The following SCHIP1 variants were observed in gnomAD, a reference collection of about 807,000 sequenced individuals.
The protein encoded by SCHIP1 is schwannomin interacting protein 1.
Under a neutral mutation model 29.7 loss-of-function variants are expected in SCHIP1, and 8 were observed. That is an observed-to-expected ratio of 0.27 (90% CI 0.16 to 0.49). The LOEUF (loss-of-function observed/expected upper bound fraction) is 0.49, where lower values mean the gene tolerates loss of function less well. Ranked by LOEUF, SCHIP1 falls within the 20% of genes least tolerant of loss-of-function variation. The pLI is 0.99. For missense variants in SCHIP1, 193 were observed against 294.6 expected, an observed-to-expected ratio of 0.66 and a Z score of 2.52; for synonymous variants, 76 against 94.9, an observed-to-expected ratio of 0.80 and a Z score of 1.16.
At chr3:159,315,250 GTGCAGTGGCAC>G in the SCHIP1 span, among the ~76,000 whole-genome samples, 1 of 142,562 alleles carries the variant, frequency 7.0e-6, no homozygotes, top group Admixed American at 7.2e-5. Flanking sequence ...CCAGGCTGGA[GTGCAGTGGCAC>G]AATCTGGGCT....
chr3:159,619,104 A>G, the SCHIP1 span, among the ~76,000 whole-genome samples: 1 of 152,226 alleles, frequency 6.6e-6, no homozygotes, highest in African/African-American at 2.4e-5. Context: ...AAGCCCTTCA[A>G]TTAAAAAAGA....
the SCHIP1 span, among the ~76,000 whole-genome samples, chr3:159,769,544 G>A: frequency 6.6e-6 from 1 of 152,184 alleles, no homozygotes; most frequent in Non-Finnish European, 1.5e-5. Flanking sequence ...GAGGTCAGGA[G>A]TTCGAGACCA....
the SCHIP1 span, among the ~76,000 whole-genome samples, chr3:159,403,289 A>G: frequency 6.6e-6 from 1 of 152,196 alleles, no homozygotes; most frequent in Non-Finnish European, 1.5e-5. Context: ...ACCACAATGA[A>G]CAAGTATCCA....
At chr3:159,478,541 T>C in the SCHIP1 span, among the ~76,000 whole-genome samples, 4 of 152,168 alleles carry the variant, frequency 2.6e-5, 1 homozygote, top group Middle Eastern at 9.5e-3. Flanking sequence ...TTCCTTTTGC[T>C]CAAGATCATT....
the SCHIP1 span, among the ~76,000 whole-genome samples, chr3:159,283,593 C>A: frequency 6.6e-6 from 1 of 152,128 alleles, no homozygotes; most frequent in Non-Finnish European, 1.5e-5. Flanking sequence ...CGTGAGCCAC[C>A]GCGCCTGGCT....
the SCHIP1 span, chr3:159,765,232 G>A: frequency 2.2e-6 from 3 of 1,375,394 alleles, no homozygotes; most frequent in African/African-American, 1.5e-5. Flanking sequence ...CCGCCCGCCC[G>A]CGGCCCCATT....
chr3:159,431,714 C>G, the SCHIP1 span, among the ~76,000 whole-genome samples: 1 of 150,086 alleles, frequency 6.7e-6, no homozygotes, highest in Non-Finnish European at 1.5e-5. Flanking sequence ...GAGGCTGAGA[C>G]AACAGAATCA....
At chr3:159,564,311 G>A in the SCHIP1 span, among the ~76,000 whole-genome samples, 1 of 152,084 alleles carries the variant, frequency 6.6e-6, no homozygotes, top group Non-Finnish European at 1.5e-5. Flanking sequence ...GACCAGCAAC[G>A]CAGCAGCTCT....
At chr3:159,427,301 C>T in the SCHIP1 span, among the ~76,000 whole-genome samples, 1 of 151,654 alleles carries the variant, frequency 6.6e-6, no homozygotes, top group South Asian at 2.1e-4. Flanking sequence ...ATAGAAAACC[C>T]CATTGTCTCA....
chr3:159,435,438 T>TCATATTTC, the SCHIP1 span, among the ~76,000 whole-genome samples: 1 of 152,116 alleles, frequency 6.6e-6, no homozygotes, highest in Non-Finnish European at 1.5e-5. Flanking sequence ...GCTCTAGCCC[T>TCATATTTC]CATATGGAAT....
the SCHIP1 span, among the ~76,000 whole-genome samples, chr3:159,738,753 T>C: frequency 2.6e-5 from 4 of 152,156 alleles, no homozygotes; most frequent in South Asian, 2.1e-4. Flanking sequence ...AAATTGTATA[T>C]AGTGATAAAG....
At chr3:159,587,198 C>T in the SCHIP1 span, among the ~76,000 whole-genome samples, 1 of 152,106 alleles carries the variant, frequency 6.6e-6, no homozygotes, top group African/African-American at 2.4e-5. Flanking sequence ...TTAAGAGCTC[C>T]TCATGTGATT....
chr3:159,873,662 G>T (rs537889652), intron 2 of SCHIP1, among the ~76,000 whole-genome samples: 10 of 152,290 alleles, frequency 6.6e-5, no homozygotes, highest in African/African-American at 2.4e-4. Flanking sequence ...GTGGCAAGTA[G>T]AGTGTCATTT....
At chr3:159,557,499 T>C in the SCHIP1 span, among the ~76,000 whole-genome samples, 1 of 152,184 alleles carries the variant, frequency 6.6e-6, no homozygotes, top group South Asian at 2.1e-4. Flanking sequence ...TTAGTTATAA[T>C]ACTGGAATAG....
At chr3:159,401,846 G>C in the SCHIP1 span, among the ~76,000 whole-genome samples, 1 of 152,258 alleles carries the variant, frequency 6.6e-6, no homozygotes, top group African/African-American at 2.4e-5. Flanking sequence ...ATAAGGAAGG[G>C]ATCCAGTTTC....
the SCHIP1 span, among the ~76,000 whole-genome samples, chr3:159,543,117 GTATATA>G: frequency 0.019 from 2,777 of 148,008 alleles, 71 homozygotes; most frequent in African/African-American, 0.06. Context: ...ATACATGTGT[GTATATA>G]TATATATATA....
the SCHIP1 span, among the ~76,000 whole-genome samples, chr3:159,502,997 T>A: frequency 6.6e-6 from 1 of 152,224 alleles, no homozygotes; most frequent in African/African-American, 2.4e-5. Context: ...GACCCGCCAA[T>A]CAGATAAGTG....
At chr3:159,650,785 C>G in the SCHIP1 span, among the ~76,000 whole-genome samples, 1 of 152,174 alleles carries the variant, frequency 6.6e-6, no homozygotes, top group Admixed American at 6.5e-5. Flanking sequence ...TATCTTCAAT[C>G]TATCTTTATT....
chr3:159,641,581 T>C, the SCHIP1 span, among the ~76,000 whole-genome samples: 1 of 152,106 alleles, frequency 6.6e-6, no homozygotes, highest in Non-Finnish European at 1.5e-5. Flanking sequence ...TACTGAGAAA[T>C]GACACTCAAA....
Sources: gnomAD v4.1 joint callset for allele counts (sites outside exome capture counted in the v4.1 genomes callset) on GRCh38, gnomAD v4.1.1 for gene constraint, MANE v1.5 for transcripts, NCBI Gene and HGNC (gene_info 2026-07-23, HGNC 2026-07-21) for gene names.